CEP89: variants seen among roughly 807,000 people sequenced by gnomAD.
CEP89 encodes the protein centrosomal protein of 89 kDa.
Under a neutral mutation model 97.6 loss-of-function variants are expected in CEP89, and 95 were observed. The observed-to-expected ratio is 0.97, with a 90% CI of 0.82 to 1.15. The LOEUF (loss-of-function observed/expected upper bound fraction) is 1.15. Among genes scored for constraint, CEP89 ranks in the 50% most tolerant of loss-of-function variants. The pLI is 0.00. For synonymous variants in CEP89, 354 were observed against 349.1 expected, an observed-to-expected ratio of 1.01 and a Z score of -0.16; for missense variants, 869 against 947.7, an observed-to-expected ratio of 0.92 and a Z score of 1.09.
intron 12 of CEP89, 126 bp downstream of exon 12, chr19:32,923,313 C>G: frequency 3.8e-6 from 2 of 519,530 alleles, no homozygotes; most frequent in Middle Eastern, 3.1e-4. Flanking sequence ...TTATTAATTT[C>G]TTAGAAACTC....
rs1971424235 is a variant in CEP89 at position 32,971,926 on chromosome 19, T to C, written c.-52A>G. 2 of 1,557,938 alleles carry C rather than the reference T, an allele frequency of 1.3e-6. No individual in the cohort carries two copies. On this transcript the variant is annotated 5_prime_UTR_variant, in exon 1 of 19. Coordinates refer to ENST00000305768, the MANE Select transcript of CEP89 (RefSeq NM_032816.5). ...GGGCCTGGACTCATCAGCAGATCTA[T>C]CCACAGCCAGGGACCACTCCCTAAA...
intron 14 of CEP89, among the ~76,000 whole-genome samples, chr19:32,903,913 A>G (rs1348767947): frequency 6.6e-6 from 1 of 152,242 alleles, no homozygotes; most frequent in East Asian, 1.9e-4. Context: ...TAATCCCAGC[A>G]CTTTGGAAGG....
At chr19:32,971,433 C>CT in intron 1 of CEP89, 1 of 458,522 alleles carries the variant, frequency 2.2e-6, no homozygotes, top group Non-Finnish European at 3.9e-6. Flanking sequence ...GATACCAACA[C>CT]TTTAGGAGGC....
intron 3 of CEP89, among the ~76,000 whole-genome samples, chr19:32,956,157 G>A (rs1166818121): frequency 4.5e-4 from 66 of 145,112 alleles, no homozygotes; most frequent in African/African-American, 1.4e-3. Flanking sequence ...CCGGGTTCAC[G>A]CCATTCTCCT....
chr19:32,926,642 A>G (rs1490256739), intron 10 of CEP89, among the ~76,000 whole-genome samples: 15 of 152,186 alleles, frequency 9.9e-5, no homozygotes, highest in Admixed American at 9.8e-4. Flanking sequence ...GCTCACTGCA[A>G]CCTAAACCTC....
rs1969398505 is a variant in CEP89, at chr19:32,886,525, C to T, written c.1965+1227G>A. ...GAAGAGTGATATTTTGCAGGGATTT[C>T]CTGAAATGTCACCTCTGATTTCTCA... On this transcript the variant is annotated intron_variant, in intron 17 of 18. Coordinates refer to ENST00000305768, the MANE Select transcript of CEP89 (RefSeq NM_032816.5). Among the ~76,000 whole-genome samples the T allele has an allele frequency of 2.6e-5, 4 of 152,272 alleles. No individual in the cohort carries two copies. In the South Asian group the frequency reaches 8.3e-4, roughly 32 times the overall value.
In CEP89 at chr19:32,933,605, T is replaced by A. The variant is rs762473854; in HGVS notation, c.732A>T (p.Lys244Asn). The A allele has an allele frequency of 6.2e-7, 1 of 1,613,736 alleles. No individual in the cohort carries two copies. The highest frequency in any genetic ancestry group is 2.2e-5 in the East Asian group (1 of 44,868). Residue 244 changes from lysine to asparagine, a missense_variant, in exon 8 of 19, where the codon AAA (lysine) becomes AAT (asparagine). Physicochemically the swap from Lys to Asn is moderately conservative, Grantham distance 94. Coordinates refer to ENST00000305768, the MANE Select transcript of CEP89 (RefSeq NM_032816.5). The stretch of plus-strand genomic sequence containing the variant: ...TATTGTTTAGGTCCATATTTTCTTC[T>A]TTTAATGCCTCAAACTTTTCTCTGG... Reference protein sequence around the residue: ...EITREKFEALKEENMDLNNMN... With the variant: ...EITREKFEALNEENMDLNNMN...
At chr19:32,914,517 C>A (rs1970078680) in intron 14 of CEP89, among the ~76,000 whole-genome samples, 1 of 151,998 alleles carries the variant, frequency 6.6e-6, no homozygotes, top group Non-Finnish European at 1.5e-5. Flanking sequence ...AGTGACCTGC[C>A]TGCCTTGGCC....
chr19:32,965,201 C>T (rs1207871912), intron 2 of CEP89, among the ~76,000 whole-genome samples: 4 of 152,240 alleles, frequency 2.6e-5, no homozygotes, highest in African/African-American at 7.2e-5. Context: ...GAGTTCAAGA[C>T]CAACTTGGGC....
chr19:32,907,029 A>T (rs1969900935), intron 14 of CEP89, among the ~76,000 whole-genome samples: 1 of 152,030 alleles, frequency 6.6e-6, no homozygotes, highest in Non-Finnish European at 1.5e-5. Flanking sequence ...ACCCTCCCAG[A>T]TGAAATGAAA....
intron 16 of CEP89, among the ~76,000 whole-genome samples, chr19:32,898,319 G>A (rs1433306577): frequency 1.3e-5 from 2 of 152,072 alleles, no homozygotes; most frequent in Admixed American, 6.6e-5. Flanking sequence ...ATATGTGGGG[G>A]CTAAAAAAGT....
At chr19:32,923,849 G>A (rs1013971949) in intron 11 of CEP89, among the ~76,000 whole-genome samples, 4 of 152,144 alleles carry the variant, frequency 2.6e-5, no homozygotes, top group Admixed American at 6.6e-5. Flanking sequence ...GATAGAAAAG[G>A]CAGAGATGCC....
chr19:32,966,086 C>T (rs1971277096), intron 2 of CEP89: 1 of 327,804 alleles, frequency 3.1e-6, no homozygotes, highest in Non-Finnish European at 5.5e-6. Context: ...AATACTTGGG[C>T]TTTAATGCTT....
chr19:32,959,041 CA>C (rs200800379), intron 3 of CEP89, among the ~76,000 whole-genome samples: 51,443 of 125,878 alleles, frequency 0.41, 9,178 homozygotes, highest in Non-Finnish European at 0.45. Context: ...ACAAAACAAA[CA>C]AAACAAAAAA....
Position 32,877,474 on chromosome 19 carries a change from G to A in CEP89, c.*1688C>T, listed in dbSNP as rs1243364509. On this transcript the variant is annotated 3_prime_UTR_variant, in exon 19 of 19. Coordinates refer to ENST00000305768, the MANE Select transcript of CEP89 (RefSeq NM_032816.5). ...GACTGAATGGTCCTGAGCGGCTGGG[G>A]TAATTTTCCTGAGGAGGTGGCACGT... 1 of 152,042 alleles carries A rather than the reference G, an allele frequency of 6.6e-6. No individual in the cohort carries two copies. The highest frequency in any genetic ancestry group is 2.4e-5 in the African/African-American group (1 of 41,370). The allele number at this position is 152,042 out of a possible 1,614,324, so 9.4% of individuals were successfully genotyped here. A position where few individuals can be genotyped will look rare whatever the true frequency, so the allele number is the denominator to read the frequency against.
chr19:32,881,103 C>T (rs1405126163), intron 18 of CEP89, among the ~76,000 whole-genome samples: 1 of 152,162 alleles, frequency 6.6e-6, no homozygotes, highest in African/African-American at 2.4e-5. Context: ...CACTGTTCCC[C>T]ATGAGTGGGG....
At chr19:32,925,137 C>T (rs1405048263) in intron 11 of CEP89, among the ~76,000 whole-genome samples, 1 of 152,082 alleles carries the variant, frequency 6.6e-6, no homozygotes. Flanking sequence ...AAGGACCCTC[C>T]CAGCTCAGGA....
chr19:32,969,984 C>A (rs528835105), intron 1 of CEP89: 3 of 152,304 alleles, frequency 2.0e-5, no homozygotes, highest in African/African-American at 7.2e-5. Flanking sequence ...AGCCACACAG[C>A]GTGATGGCAG....
intron 4 of CEP89, among the ~76,000 whole-genome samples, chr19:32,950,734 G>C (rs1276913864): frequency 6.6e-6 from 1 of 152,184 alleles, no homozygotes; most frequent in Admixed American, 6.5e-5. Context: ...ATCGCCAAAT[G>C]TTCACAGCAG....
Sources: allele counts gnomAD v4.1 joint callset (sites outside exome capture counted in the v4.1 genomes callset), GRCh38; gene constraint gnomAD v4.1.1; transcripts MANE v1.5; gene names NCBI Gene and HGNC (gene_info 2026-07-23, HGNC 2026-07-21).